The following BMPR1B variants were observed in gnomAD, a reference collection of about 807,000 sequenced individuals.
The protein encoded by BMPR1B is bone morphogenetic protein receptor type-1B.
BMPR1B carries 12 observed loss-of-function variants against 59.1 expected under a neutral mutation model. That is an observed-to-expected ratio of 0.20 (90% CI 0.13 to 0.33). BMPR1B has a LOEUF of 0.33. Ranked by LOEUF, BMPR1B falls within the 10% of genes least tolerant of loss-of-function variation. The probability of loss-of-function intolerance (pLI) is 1.00; values close to 1 mark genes in which losing one functional copy is unlikely to be tolerated. For synonymous variants in BMPR1B, 237 were observed against 207.3 expected (o/e 1.14, Z -1.23); for missense variants, 550 against 610.9 (o/e 0.90, Z 1.05).
intron 3 of BMPR1B, among the ~76,000 whole-genome samples, chr4:94,997,067 A>C (rs1341880393): frequency 6.6e-6 from 1 of 152,202 alleles, no homozygotes; most frequent in African/African-American, 2.4e-5. Context: ...CTAGAAAGTC[A>C]ATTATGTTGT....
chr4:94,761,235 A>G (rs1721750616), intron 1 of BMPR1B, among the ~76,000 whole-genome samples: 2 of 152,226 alleles, frequency 1.3e-5, no homozygotes, highest in Non-Finnish European at 2.9e-5. Flanking sequence ...GCAATAACTG[A>G]TAATCATTTC....
intron 1 of BMPR1B, among the ~76,000 whole-genome samples, chr4:94,846,249 T>C (rs1725320845): frequency 6.6e-6 from 1 of 152,180 alleles, no homozygotes; most frequent in African/African-American, 2.4e-5. Context: ...CTGGGAAAAC[T>C]GGATATCTCT....
At chr4:94,773,956 T>A (rs1270280206) in intron 1 of BMPR1B, among the ~76,000 whole-genome samples, 1 of 152,092 alleles carries the variant, frequency 6.6e-6, no homozygotes, top group Non-Finnish European at 1.5e-5. Context: ...TGTTCTGTGA[T>A]TGTTTAAATG....
chr4:95,117,746 A>G (rs907214844), intron 6 of BMPR1B, among the ~76,000 whole-genome samples: 3 of 152,140 alleles, frequency 2.0e-5, no homozygotes, highest in Non-Finnish European at 2.9e-5. Flanking sequence ...CAGTCCTGCC[A>G]CTGCACTGCA....
At chr4:95,070,412 C>T (rs991509214) in intron 3 of BMPR1B, among the ~76,000 whole-genome samples, 3 of 151,954 alleles carry the variant, frequency 2.0e-5, no homozygotes, top group Non-Finnish European at 2.9e-5. Context: ...GGGTGGATGG[C>T]GGTGATGTTC....
chr4:95,054,103 G>A (rs959999574), intron 3 of BMPR1B, among the ~76,000 whole-genome samples: 4 of 152,128 alleles, frequency 2.6e-5, no homozygotes, highest in Non-Finnish European at 5.9e-5. Flanking sequence ...TCAAAATGAC[G>A]ACTTGAGACA....
chr4:94,980,620 C>T (rs1203489516), intron 2 of BMPR1B, among the ~76,000 whole-genome samples: 4 of 152,010 alleles, frequency 2.6e-5, no homozygotes, highest in East Asian at 3.9e-4. Flanking sequence ...TGGGTGTGTG[C>T]GTGCATTCTG....
intron 3 of BMPR1B, among the ~76,000 whole-genome samples, chr4:95,070,255 ATCT>A (rs1352985615): frequency 1.3e-5 from 2 of 152,204 alleles, no homozygotes; most frequent in Non-Finnish European, 2.9e-5. Context: ...TCCTTTTGGC[ATCT>A]TCTTAACGTC....
intron 3 of BMPR1B, among the ~76,000 whole-genome samples, chr4:95,059,301 A>C (rs1271567254): frequency 6.6e-6 from 1 of 152,140 alleles, no homozygotes; most frequent in Non-Finnish European, 1.5e-5. Flanking sequence ...ATCCACACAC[A>C]TATGTTTCTT....
intron 1 of BMPR1B, among the ~76,000 whole-genome samples, chr4:94,868,928 T>A (rs370154982): frequency 1.3e-5 from 2 of 152,286 alleles, no homozygotes; most frequent in East Asian, 3.9e-4. Flanking sequence ...ATGGCACTGC[T>A]TATTTGCATG....
intron 2 of BMPR1B, among the ~76,000 whole-genome samples, chr4:94,967,671 A>G (rs866001659): frequency 6.6e-6 from 1 of 151,948 alleles, no homozygotes; most frequent in Non-Finnish European, 1.5e-5. Context: ...TTTAGTAGAG[A>G]TGGGGTTTCA....
intron 2 of BMPR1B, among the ~76,000 whole-genome samples, chr4:94,964,656 C>T (rs1384351474): frequency 2.0e-5 from 3 of 152,164 alleles, no homozygotes; most frequent in Admixed American, 2.0e-4. Flanking sequence ...TAAGTCTCCA[C>T]TAGGATTTGT....
chr4:95,144,001 A>ATTT (rs80236648), intron 10 of BMPR1B, among the ~76,000 whole-genome samples: 1 of 143,498 alleles, frequency 7.0e-6, no homozygotes. Flanking sequence ...ATTTCTCCCA[A>ATTT]TTTTTTTTTT....
At chr4:95,005,263 A>C (rs1722739167) in intron 3 of BMPR1B, among the ~76,000 whole-genome samples, 1 of 152,174 alleles carries the variant, frequency 6.6e-6, no homozygotes, top group African/African-American at 2.4e-5. Flanking sequence ...AATTTTGGTT[A>C]TATTTTAATA....
At chr4:95,073,577 G>A (rs1323777420) in intron 3 of BMPR1B, among the ~76,000 whole-genome samples, 1 of 152,058 alleles carries the variant, frequency 6.6e-6, no homozygotes, top group Non-Finnish European at 1.5e-5. Flanking sequence ...TTCAGAATTG[G>A]ATGAGGGACT....
Position 95,124,995 on chromosome 4 carries a change from A to G in BMPR1B, c.459A>G (p.Gln153=). The G allele has an allele frequency of 6.2e-7, 1 of 1,613,116 alleles. No individual in the cohort carries two copies. The highest frequency in any genetic ancestry group is 8.5e-7 in the Non-Finnish European group (1 of 1,179,130). Residue 153 remains glutamine, a synonymous_variant, in exon 8 of 13, where the codon CAA becomes CAG. Transcript: ENST00000515059. ...ILFCYFRYKR[Q]ETRPRYSIGL... The stretch of plus-strand genomic sequence containing the variant: ...TATCCATCTTTAGGTATAAAAGACA[A>G]GAAACCAGACCTCGATACAGCATTG...
intron 10 of BMPR1B, among the ~76,000 whole-genome samples, chr4:95,146,604 T>C (rs1202863457): frequency 1.3e-5 from 2 of 152,216 alleles, no homozygotes; most frequent in East Asian, 3.8e-4. Flanking sequence ...ATTCTTCTTG[T>C]TCTGGAATAC....
chr4:94,767,905 A>C (rs1003579925), intron 1 of BMPR1B, among the ~76,000 whole-genome samples: 8 of 152,096 alleles, frequency 5.3e-5, no homozygotes, highest in Non-Finnish European at 1.2e-4. Flanking sequence ...TCTTAATTCG[A>C]TAACATAATA....
chr4:94,942,918 A>G (rs1005965659), intron 2 of BMPR1B, among the ~76,000 whole-genome samples: 1 of 152,236 alleles, frequency 6.6e-6, no homozygotes, highest in African/African-American at 2.4e-5. Flanking sequence ...CCGCATATAC[A>G]TGATACTGTA....
Sources: gnomAD v4.1 joint callset for allele counts (sites outside exome capture counted in the v4.1 genomes callset) on GRCh38, gnomAD v4.1.1 for gene constraint, MANE v1.5 for transcripts, NCBI Gene and HGNC (gene_info 2026-07-23, HGNC 2026-07-21) for gene names.